WNT2B: variants seen among roughly 807,000 people sequenced by gnomAD.
WNT2B encodes protein Wnt-2b.
In WNT2B, 19 loss-of-function variants were observed where a neutral mutation model predicts 40.5. The observed-to-expected ratio is 0.47, with a 90% CI of 0.33 to 0.69. WNT2B has a LOEUF of 0.69. WNT2B is among the 30% of genes least tolerant of loss of function. WNT2B has a pLI of 0.02. For synonymous variants in WNT2B, 220 were observed against 211.9 expected (o/e 1.04, Z -0.33); for missense variants, 467 against 556.4 (o/e 0.84, Z 1.62).
chr1:112,512,065 C>A (rs573150310), intron 1 of WNT2B, among the ~76,000 whole-genome samples: 3 of 150,322 alleles, frequency 2.0e-5, no homozygotes, highest in Non-Finnish European at 4.4e-5. Flanking sequence ...GGGCTGTACA[C>A]GAAAGGAGGA....
At chr1:112,506,717 T>C (rs1194251653), upstream of WNT2B, among the ~76,000 whole-genome samples, 1 of 152,250 alleles carries the variant, frequency 6.6e-6, no homozygotes, top group Non-Finnish European at 1.5e-5. Flanking sequence ...GCACAGAGTC[T>C]GTGCCTTTCT....
exon 1 of WNT2B, chr1:112,467,212 TG>T: frequency 3.0e-6 from 1 of 329,272 alleles, no homozygotes; most frequent in Non-Finnish European, 5.6e-6. Flanking sequence ...GTGTTTCTGG[TG>T]AGAAGCCTGG....
At position 112,527,312 on chromosome 1, in the gene WNT2B, A is replaced by G. The variant is rs777920473; in HGVS notation, c.*6803A>G. The G allele has an allele frequency of 2.0e-5, 3 of 152,334 alleles. No individual in the cohort carries two copies. Among genetic ancestry groups the G allele is most frequent in the Non-Finnish European group, 2.9e-5 (2 of 68,092 alleles). The allele number at this position is 152,334 out of a possible 1,614,324, so 9.4% of individuals were successfully genotyped here. On this transcript the variant is annotated 3_prime_UTR_variant, in exon 5 of 5. Transcript: ENST00000369684. The stretch of plus-strand genomic sequence containing the variant: ...GAAGAACACCTCATGAAAACAGTCT[A>G]CCTATAGTCAGGACTTCCCCAAGGC...
chr1:112,519,779 C>CT, intron 4 of WNT2B, among the ~76,000 whole-genome samples: 1 of 151,478 alleles, frequency 6.6e-6, no homozygotes, highest in East Asian at 1.9e-4. Flanking sequence ...ATATGAGAAA[C>CT]TAAGTTAATG....
upstream of WNT2B, among the ~76,000 whole-genome samples, chr1:112,505,393 T>C (rs1475811599): frequency 6.6e-6 from 1 of 152,244 alleles, no homozygotes; most frequent in East Asian, 1.9e-4. Context: ...TAGGATACCC[T>C]GGCCAGTGTT....
Position 112,468,641 on chromosome 1 carries a change from G to GATTATT in WNT2B, c.-95+1066_-95+1071dup, listed in dbSNP as rs966893330. Among the ~76,000 whole-genome samples the GATTATT allele has an allele frequency of 9.2e-5, 14 of 151,682 alleles. No individual in the cohort carries two copies. In the East Asian group the frequency reaches 2.3e-3, roughly 25 times the overall value. On this transcript the variant is annotated intron_variant, in intron 1 of 4. Transcript: ENST00000256640. ...TCATGCCAGTTTCCCATTTTAATGG[G>GATTATT]ATTATTATTATTATTATTATTTATT...
intron 1 of WNT2B, among the ~76,000 whole-genome samples, chr1:112,485,807 A>T (rs1651396804): frequency 6.6e-6 from 1 of 152,224 alleles, no homozygotes; most frequent in Non-Finnish European, 1.5e-5. Context: ...AAATCTTTGT[A>T]ACCTTGGGTT....
At chr1:112,506,651 G>T (rs953938581), upstream of WNT2B, among the ~76,000 whole-genome samples, 8 of 152,160 alleles carry the variant, frequency 5.3e-5, no homozygotes, top group African/African-American at 1.9e-4. Context: ...AAGAGGCCCA[G>T]CCAAGAAGGA....
chr1:112,517,537 T>G (rs981686262), intron 4 of WNT2B, 152 bp downstream of exon 4: 1 of 1,075,042 alleles, frequency 9.3e-7, no homozygotes. Flanking sequence ...GTCATGAGAT[T>G]GTTGCAGTCC....
At chr1:112,481,366 T>G (rs1651219774) in intron 1 of WNT2B, among the ~76,000 whole-genome samples, 1 of 152,152 alleles carries the variant, frequency 6.6e-6, no homozygotes, top group African/African-American at 2.4e-5. Context: ...CAATATCTAT[T>G]CATGACTCTC....
chr1:112,507,428 G>A (rs1311875901), upstream of WNT2B, among the ~76,000 whole-genome samples: 1 of 152,208 alleles, frequency 6.6e-6, no homozygotes, highest in Non-Finnish European at 1.5e-5. Context: ...CACAGAAAGT[G>A]GGGGTAAAGG....
At position 112,501,249 on chromosome 1, in the gene WNT2B, C is replaced by T. The variant is rs187113769; in HGVS notation, c.-94-13625C>T. 8.9e-4 allele frequency among the ~76,000 whole-genome samples: 135 copies of T among 152,270 alleles called. 1 individual carries two copies. Among genetic ancestry groups the T allele is most frequent in the Non-Finnish European group, 5.9e-5 (4 of 68,028 alleles). Reference sequence around the variant, plus strand: ...AAAGTGTTGTTTTATCGCATCATATCAAGAGTACATACTATCAACCTGACA... The same window carrying T: ...AAAGTGTTGTTTTATCGCATCATATTAAGAGTACATACTATCAACCTGACA... On this transcript the variant is annotated intron_variant, in intron 1 of 4. Coordinates refer to the WNT2B transcript ENST00000256640.
At chr1:112,514,112 G>C (rs1044845977) in intron 1 of WNT2B, among the ~76,000 whole-genome samples, 3 of 152,200 alleles carry the variant, frequency 2.0e-5, no homozygotes, top group Non-Finnish European at 4.4e-5. Context: ...ACTGGAGACT[G>C]CAGTGTGGGG....
At chr1:112,490,969 T>G (rs1210549425) in intron 1 of WNT2B, 2 of 1,580,870 alleles carry the variant, frequency 1.3e-6, no homozygotes, top group Admixed American at 3.4e-5. Context: ...ATCCATAGCA[T>G]TTATTATGTT....
intron 1 of WNT2B, among the ~76,000 whole-genome samples, chr1:112,490,223 AG>A (rs1165774339): frequency 1.3e-5 from 2 of 152,150 alleles, no homozygotes; most frequent in African/African-American, 4.8e-5. Context: ...TGCTGTACAA[AG>A]ACAACAAAAA....
At chr1:112,493,764 A>T (rs1651680791) in intron 1 of WNT2B, among the ~76,000 whole-genome samples, 1 of 152,162 alleles carries the variant, frequency 6.6e-6, no homozygotes, top group South Asian at 2.1e-4. Flanking sequence ...TAGAGAAAGG[A>T]ACAGAAATAT....
upstream of WNT2B, chr1:112,508,603 A>T: frequency 1.8e-6 from 1 of 542,692 alleles, no homozygotes; most frequent in Non-Finnish European, 2.4e-6. The surrounding 1 kb of genome is among the most constrained non-coding windows in gnomAD (Gnocchi z 4.2). Flanking sequence ...GTGTCACTGT[A>T]GGTTGGGGAC....
At position 112,516,494 on chromosome 1, in the gene WNT2B, T is replaced by A. The variant is rs944501352; in HGVS notation, c.681+77T>A. ...TGTGTGTGACCATGGACTAAATAAA[T>A]GTGAAGATGGAAGAGCTGAAGGCTT... On this transcript the variant is annotated intron_variant, in intron 3 of 4. Transcript: ENST00000369684. 5.2e-6 allele frequency: 8 copies of A among 1,525,454 alleles called. No individual in the cohort carries two copies. The African/African-American group carries it at 1.1e-4, about 21-fold the overall frequency. The allele number at this position is 1,525,454 out of a possible 1,614,324, so 94.5% of individuals were successfully genotyped here. A position where few individuals can be genotyped will look rare whatever the true frequency, so the allele number is the denominator to read the frequency against.
intron 1 of WNT2B, among the ~76,000 whole-genome samples, chr1:112,478,873 T>G (rs1651131562): frequency 6.6e-6 from 1 of 151,044 alleles, no homozygotes. Context: ...CAGTGAGGCA[T>G]GATCACACCA....
Sources: allele counts gnomAD v4.1 joint callset (sites outside exome capture counted in the v4.1 genomes callset), GRCh38; gene constraint gnomAD v4.1.1; non-coding constraint Gnocchi (gnomAD v3.1); transcripts MANE v1.5; gene names NCBI Gene and HGNC (gene_info 2026-07-23, HGNC 2026-07-21).